The following MPP7 variants were observed in gnomAD, a reference collection of about 807,000 sequenced individuals.
MPP7 encodes MAGUK p55 subfamily member 7.
Under a neutral mutation model 76.5 loss-of-function variants are expected in MPP7, and 60 were observed. That is an observed-to-expected ratio of 0.78 (90% CI 0.64 to 0.97). The LOEUF (loss-of-function observed/expected upper bound fraction) is 0.97. Ranked by LOEUF, MPP7 falls within the 50% of genes least tolerant of loss-of-function variation. The pLI, the probability that MPP7 is intolerant of heterozygous loss-of-function variation, is 0.00. For missense variants in MPP7, 641 were observed against 694.0 expected (o/e 0.92, Z 0.86); for synonymous variants, 237 against 244.5 (o/e 0.97, Z 0.29).
chr10:28,227,170 T>C (rs535789249), intron 2 of MPP7, among the ~76,000 whole-genome samples: 1 of 152,340 alleles, frequency 6.6e-6, no homozygotes, highest in Non-Finnish European at 1.5e-5. Flanking sequence ...GATTCAGTGT[T>C]AAAGAATACA....
At chr10:28,215,125 C>T (rs1838266482) in intron 2 of MPP7, among the ~76,000 whole-genome samples, 1 of 151,904 alleles carries the variant, frequency 6.6e-6, no homozygotes, top group South Asian at 2.1e-4. Context: ...CTTCTCACTT[C>T]CCAAGCCCCT....
chr10:28,209,021 GC>G (rs1236549356), intron 2 of MPP7, among the ~76,000 whole-genome samples: 1 of 151,874 alleles, frequency 6.6e-6, no homozygotes, highest in Admixed American at 6.6e-5. Context: ...CACTTCCTTT[GC>G]CCCTACTTTC....
chr10:28,051,090 A>T lies in MPP7; in HGVS notation c.*2975T>A, dbSNP rs780179449. 1.2e-4 allele frequency: 18 copies of T among 152,228 alleles called. No individual in the cohort carries two copies. The highest frequency in any genetic ancestry group is 1.6e-4 in the Non-Finnish European group (11 of 68,034). The allele number at this position is 152,228 out of a possible 1,614,324, so 9.4% of individuals were successfully genotyped here. On this transcript the variant is annotated 3_prime_UTR_variant, in exon 17 of 17. Transcript: ENST00000683449. ...AAAATATAATTTGTTCTACCATGGG[A>T]AATAGTATAATGGAATAGATCACAA...
upstream of MPP7, among the ~76,000 whole-genome samples, chr10:28,307,904 G>A (rs1449828859): frequency 6.6e-6 from 1 of 152,176 alleles, no homozygotes; most frequent in Non-Finnish European, 1.5e-5. Context: ...ATTGCTAGCA[G>A]GGGTTGCTCT....
intron 2 of MPP7, among the ~76,000 whole-genome samples, chr10:28,324,363 G>A (rs983615182): frequency 6.6e-6 from 1 of 152,194 alleles, no homozygotes; most frequent in Non-Finnish European, 1.5e-5. Context: ...TAATCTGGAA[G>A]CTACCCAGGC....
chr10:28,149,969 G>C lies in MPP7; in HGVS notation c.234+13C>G. On this transcript the variant is annotated intron_variant, in intron 4 of 16. Coordinates refer to ENST00000683449, the MANE Select transcript of MPP7 (RefSeq NM_001318170.2). ...GCAGACACATCCCAGTGAGCTCGGAGAGTCACACTTACATCATCGGCCAAG... is the reference window on the plus strand; with the variant it reads ...GCAGACACATCCCAGTGAGCTCGGACAGTCACACTTACATCATCGGCCAAG... 1.9e-6 allele frequency: 3 copies of C among 1,609,276 alleles called. No homozygotes were observed. In the East Asian group the frequency reaches 6.7e-5, roughly 36 times the overall value.
At chr10:28,183,949 C>T (rs928433645) in intron 3 of MPP7, among the ~76,000 whole-genome samples, 2 of 152,064 alleles carry the variant, frequency 1.3e-5, no homozygotes, top group African/African-American at 4.8e-5. Context: ...ATGATGGTGA[C>T]TTAATATGTT....
At chr10:28,172,147 T>G (rs970475665) in intron 3 of MPP7, among the ~76,000 whole-genome samples, 6 of 152,332 alleles carry the variant, frequency 3.9e-5, no homozygotes, top group Middle Eastern at 6.8e-3. Context: ...GGCAACACAT[T>G]TTCATGAAGT....
intron 8 of MPP7, among the ~76,000 whole-genome samples, chr10:28,122,610 A>T (rs1012140034): frequency 1.3e-5 from 2 of 152,156 alleles, no homozygotes; most frequent in African/African-American, 4.8e-5. Context: ...CTTTGAGGGG[A>T]TCAAGCCTGC....
chr10:28,263,752 G>A (rs1427316247), intron 1 of MPP7, among the ~76,000 whole-genome samples: 1 of 152,184 alleles, frequency 6.6e-6, no homozygotes. Flanking sequence ...TGCAGCTGAA[G>A]GCGCCAGGTG....
At chr10:28,194,490 T>A (rs544303607) in intron 3 of MPP7, among the ~76,000 whole-genome samples, 3 of 152,194 alleles carry the variant, frequency 2.0e-5, no homozygotes, top group African/African-American at 7.2e-5. Flanking sequence ...AAAAGGTTAA[T>A]GGAGAAACAA....
chr10:28,263,249 C>T (rs1171301047), intron 1 of MPP7, among the ~76,000 whole-genome samples: 1 of 152,004 alleles, frequency 6.6e-6, no homozygotes, highest in Non-Finnish European at 1.5e-5. Flanking sequence ...GTGAAAGGGC[C>T]ACTACCATCT....
chr10:28,333,751 C>T (rs936828929), intron 1 of MPP7, among the ~76,000 whole-genome samples: 1 of 152,174 alleles, frequency 6.6e-6, no homozygotes, highest in Admixed American at 6.5e-5. Flanking sequence ...CCCAGTGAGA[C>T]ACATGTAAAG....
chr10:28,143,744 C>G (rs534392762), intron 5 of MPP7, among the ~76,000 whole-genome samples: 3 of 142,764 alleles, frequency 2.1e-5, no homozygotes, highest in Non-Finnish European at 4.8e-5. Context: ...CATTTTTTCC[C>G]AAACTATTTG....
At position 28,286,175 on chromosome 10, in the gene MPP7, T is replaced by A. The variant is rs542981999; in HGVS notation, c.-132+16686A>T. Among the ~76,000 whole-genome samples the A allele has an allele frequency of 4.1e-4, 62 of 152,044 alleles. 1 individual carries two copies. Among genetic ancestry groups the A allele is most frequent in the African/African-American group, 1.4e-3 (59 of 41,472 alleles). ...TTGCCTAACACAGTGAAACCTCGTCTCTACTAAAAATACAGAAAAAATTAG... is the reference window on the plus strand; with the variant it reads ...TTGCCTAACACAGTGAAACCTCGTCACTACTAAAAATACAGAAAAAATTAG... On this transcript the variant is annotated intron_variant, in intron 1 of 16. Transcript: ENST00000683449.
At chr10:28,167,396 C>A (rs893281633) in intron 3 of MPP7, among the ~76,000 whole-genome samples, 1 of 152,144 alleles carries the variant, frequency 6.6e-6, no homozygotes, top group Admixed American at 6.5e-5. Context: ...TGCATGTTCT[C>A]ACTTATAAGT....
chr10:28,186,830 C>T (rs1178970345), intron 3 of MPP7, among the ~76,000 whole-genome samples: 7 of 152,318 alleles, frequency 4.6e-5, no homozygotes, highest in Non-Finnish European at 1.0e-4. Flanking sequence ...GGGAAACGCT[C>T]ATCTCTGTAG....
intron 11 of MPP7, among the ~76,000 whole-genome samples, chr10:28,108,589 G>A (rs959586839): frequency 5.9e-5 from 9 of 151,920 alleles, no homozygotes; most frequent in African/African-American, 1.5e-4. Flanking sequence ...CCTGGGAGGC[G>A]GAGGTTGCAG....
chr10:28,243,394 A>C (rs1456488689), intron 1 of MPP7, among the ~76,000 whole-genome samples: 1 of 139,798 alleles, frequency 7.2e-6, no homozygotes, highest in African/African-American at 2.8e-5. Flanking sequence ...GTATTAACAA[A>C]TGTGATTTTT....
Sources: allele counts gnomAD v4.1 joint callset (sites outside exome capture counted in the v4.1 genomes callset), GRCh38; gene constraint gnomAD v4.1.1; transcripts MANE v1.5; gene names NCBI Gene and HGNC (gene_info 2026-07-23, HGNC 2026-07-21).